DCT: variants seen among roughly 807,000 people sequenced by gnomAD.
DCT encodes the protein L-dopachrome tautomerase.
A neutral mutation model predicts 53.0 loss-of-function variants in DCT; 47 were observed. The ratio of observed to expected loss-of-function variants is 0.89; its 90% confidence interval spans 0.70 to 1.13. DCT has a LOEUF of 1.13. Ranked by LOEUF, DCT falls within the 50% of genes most tolerant of loss-of-function variation. The pLI is 0.00. For synonymous variants in DCT, 244 were observed against 237.0 expected, an observed-to-expected ratio of 1.03 and a Z score of -0.27; for missense variants, 669 against 637.4, an observed-to-expected ratio of 1.05 and a Z score of -0.53.
At chr13:94,466,007 TATATATATATATATATAC>T in intron 3 of DCT, among the ~76,000 whole-genome samples, 3 of 48,836 alleles carry the variant, frequency 6.1e-5, no homozygotes, top group African/African-American at 2.2e-4. Flanking sequence ...TATATATATA[TATATATATATATATATAC>T]TGTGTACAAT....
intron 7 of DCT, among the ~76,000 whole-genome samples, chr13:94,442,410 G>A (rs1882391223): frequency 6.6e-6 from 1 of 152,080 alleles, no homozygotes; most frequent in South Asian, 2.1e-4. Flanking sequence ...GGGCTCAAGC[G>A]ATTCTTCCAC....
chr13:94,544,544 T>C, the DCT span, among the ~76,000 whole-genome samples: 1 of 152,218 alleles, frequency 6.6e-6, no homozygotes, highest in Admixed American at 6.5e-5. Flanking sequence ...TCCAGCTTTA[T>C]TTGCAGGGCT....
At chr13:94,490,501 T>A in the DCT span, among the ~76,000 whole-genome samples, 1 of 21,876 alleles carries the variant, frequency 4.6e-5, no homozygotes, top group Middle Eastern at 0.05. Flanking sequence ...CAAGACTCGG[T>A]CTCAAAAAAA....
At chr13:94,517,098 T>C in the DCT span, among the ~76,000 whole-genome samples, 7 of 152,338 alleles carry the variant, frequency 4.6e-5, no homozygotes, top group Non-Finnish European at 8.8e-5. Flanking sequence ...ATTTCCTAAA[T>C]ATAAGAGGGT....
chr13:94,525,127 T>C, the DCT span, among the ~76,000 whole-genome samples: 1 of 151,312 alleles, frequency 6.6e-6, no homozygotes, highest in African/African-American at 2.4e-5. Context: ...GGAGGTGGAG[T>C]TTCCCTCTTG....
chr13:94,509,318 G>A, the DCT span, among the ~76,000 whole-genome samples: 4 of 152,100 alleles, frequency 2.6e-5, no homozygotes, highest in African/African-American at 9.7e-5. Context: ...TATAAATCCT[G>A]GGTCCCCATC....
intron 6 of DCT, among the ~76,000 whole-genome samples, chr13:94,459,061 TA>T (rs990001241): frequency 2.6e-5 from 4 of 151,514 alleles, no homozygotes; most frequent in African/African-American, 9.7e-5. Flanking sequence ...AGGTTTTTGG[TA>T]GAGAAAAGGT....
chr13:94,493,091 G>A, the DCT span, among the ~76,000 whole-genome samples: 2 of 152,120 alleles, frequency 1.3e-5, no homozygotes, highest in African/African-American at 4.8e-5. Context: ...CTCAAGACAA[G>A]AGAGACTCTT....
chr13:94,496,190 C>T, the DCT span, among the ~76,000 whole-genome samples: 13 of 152,094 alleles, frequency 8.5e-5, no homozygotes, highest in African/African-American at 2.2e-4. Flanking sequence ...TGGATCCTGG[C>T]ATTATTTATT....
At position 94,438,467 on chromosome 13, in the gene DCT, G is replaced by A. The variant is rs1228085332; in HGVS notation, c.*1431C>T. On this transcript the variant is annotated 3_prime_UTR_variant, in exon 8 of 8. Transcript: ENST00000377028. ...CATGGGGTAAACTGGTTCTTGATGA[G>A]TCTTGCACCCTCTAGGACCCCTTAT... 2.6e-6 allele frequency: 1 copy of A among 380,894 alleles called. No individual in the cohort carries two copies. Among genetic ancestry groups the A allele is most frequent in the East Asian group, 7.4e-5 (1 of 13,532 alleles). The allele number at this position is 380,894 out of a possible 1,614,324, so 23.6% of individuals were successfully genotyped here. A position where few individuals can be genotyped will look rare whatever the true frequency, so the allele number is the denominator to read the frequency against.
upstream of DCT, among the ~76,000 whole-genome samples, chr13:94,483,370 T>C (rs1182850034): frequency 6.6e-6 from 1 of 151,922 alleles, no homozygotes; most frequent in African/African-American, 2.4e-5. Context: ...CCCAATTCTT[T>C]CATCAAAAGC....
chr13:94,530,496 A>G, the DCT span, among the ~76,000 whole-genome samples: 28 of 152,214 alleles, frequency 1.8e-4, no homozygotes, highest in Non-Finnish European at 3.2e-4. Context: ...TATGCAAATC[A>G]ACGAACGTAA....
rs925943445 is a variant in DCT, at chr13:94,437,664, T to C, written c.*2234A>G. ...ACAGTATTTGGTGACATTTTCTGAG[T>C]TTATTTGCATGATATTCAATGTAAG... On this transcript the variant is annotated 3_prime_UTR_variant, in exon 8 of 8. Coordinates refer to ENST00000377028, the MANE Select transcript of DCT (RefSeq NM_001922.5). 1.3e-5 allele frequency: 2 copies of C among 152,326 alleles called. No individual in the cohort carries two copies. Among genetic ancestry groups the C allele is most frequent in the African/African-American group, 4.8e-5 (2 of 41,586 alleles). The allele number at this position is 152,326 out of a possible 1,614,324, so 9.4% of individuals were successfully genotyped here.
At chr13:94,498,859 A>T in the DCT span, among the ~76,000 whole-genome samples, 5 of 152,340 alleles carry the variant, frequency 3.3e-5, no homozygotes, top group South Asian at 1.0e-3. Context: ...GTCTAGCTAA[A>T]GGATTGTAAA....
chr13:94,504,773 T>C, the DCT span, among the ~76,000 whole-genome samples: 1 of 152,220 alleles, frequency 6.6e-6, no homozygotes, highest in Non-Finnish European at 1.5e-5. Context: ...TGAAAAATAT[T>C]GCTAAGGATT....
chr13:94,452,506 G>A lies in DCT; in HGVS notation c.1179+7585C>T, dbSNP rs1440546636. ...ATAGGTGACACACAGGTATTAGGAG[G>A]GAATATTGTCCAAACTTCTAGAGGC... On this transcript the variant is annotated intron_variant, in intron 6 of 7. Transcript: ENST00000377028. The A allele has an allele frequency of 7.6e-6, 5 of 657,004 alleles. No homozygotes were observed. In the East Asian group the frequency reaches 8.8e-5, roughly 12 times the overall value. 40.7% of individuals were successfully genotyped at this position (657,004 alleles called of 1,614,324 possible).
chr13:94,438,577 C>T lies in DCT; in HGVS notation c.*1321G>A, dbSNP rs1006975926. ...GAGAGGGGCCTCGACAGACAAGCCA[C>T]GCCCTAGAACTTCAGTCTCACTCCT... is the stretch of plus-strand genomic sequence containing the variant. On this transcript the variant is annotated 3_prime_UTR_variant, in exon 8 of 8. Transcript: ENST00000377028. The T allele has an allele frequency of 1.5e-5, 7 of 455,716 alleles. No homozygotes were observed. The East Asian group carries it at 2.1e-4, about 14-fold the overall frequency. The allele number at this position is 455,716 out of a possible 1,614,324, so 28.2% of individuals were successfully genotyped here. A position where few individuals can be genotyped will look rare whatever the true frequency, so the allele number is the denominator to read the frequency against.
In DCT at chr13:94,448,175, G is replaced by A. The variant is rs527751481; in HGVS notation, c.1180-4538C>T. ...TGCGAGGATCATTTGAGCCCTGGAA[G>A]TCAAGGCTGCAGTGAGCTATGATTG... On this transcript the variant is annotated intron_variant, in intron 6 of 7. Coordinates refer to ENST00000377028, the MANE Select transcript of DCT (RefSeq NM_001922.5). 3.9e-5 allele frequency among the ~76,000 whole-genome samples: 6 copies of A among 152,304 alleles called. No homozygotes were observed. The South Asian group carries it at 1.2e-3, about 32-fold the overall frequency.
At chr13:94,454,029 G>A (rs965996423) in intron 6 of DCT, among the ~76,000 whole-genome samples, 10 of 152,260 alleles carry the variant, frequency 6.6e-5, no homozygotes, top group African/African-American at 2.4e-4. Flanking sequence ...TAGAACAGCA[G>A]ACTCAGAAGG....
Sources: allele counts gnomAD v4.1 joint callset (sites outside exome capture counted in the v4.1 genomes callset), GRCh38; gene constraint gnomAD v4.1.1; transcripts MANE v1.5; gene names NCBI Gene and HGNC (gene_info 2026-07-23, HGNC 2026-07-21).